Variants in SCRG1 observed in about 807,000 individuals in gnomAD.
SCRG1 encodes the protein stimulator of chondrogenesis 1.
A neutral mutation model predicts 7.7 loss-of-function variants in SCRG1; 3 were observed. The ratio of observed to expected loss-of-function variants is 0.39; its 90% CI spans 0.18 to 1.01. SCRG1 has a LOEUF of 1.01. Ranked by LOEUF, SCRG1 falls within the 50% of genes least tolerant of loss-of-function variation. The pLI, the probability that SCRG1 is intolerant of heterozygous loss-of-function variation, is 0.36. For synonymous variants in SCRG1, 46 were observed against 41.2 expected, an observed-to-expected ratio of 1.12 and a Z score of -0.44; for missense variants, 110 against 117.2, an observed-to-expected ratio of 0.94 and a Z score of 0.28.
At chr4:173,484,347 T>TAATATAC in the SCRG1 span, among the ~76,000 whole-genome samples, 2 of 69,128 alleles carry the variant, frequency 2.9e-5, no homozygotes, top group Admixed American at 2.4e-4. Context: ...ACATATTATA[T>TAATATAC]AATATATAAT....
At chr4:173,424,766 G>C in the SCRG1 span, among the ~76,000 whole-genome samples, 2 of 152,060 alleles carry the variant, frequency 1.3e-5, no homozygotes, top group African/African-American at 4.8e-5. Flanking sequence ...AGAATTAGCT[G>C]GGCATAGTGG....
the SCRG1 span, among the ~76,000 whole-genome samples, chr4:173,486,693 T>G: frequency 1.3e-5 from 2 of 152,172 alleles, no homozygotes; most frequent in African/African-American, 4.8e-5. Flanking sequence ...TTTACAATAG[T>G]AGCATCAGAA....
chr4:173,466,097 G>C, the SCRG1 span, among the ~76,000 whole-genome samples: 1 of 151,988 alleles, frequency 6.6e-6, no homozygotes, highest in Non-Finnish European at 1.5e-5. Context: ...CTGAAGTTGG[G>C]GATACAGGTT....
chr4:173,444,567 G>A, the SCRG1 span, among the ~76,000 whole-genome samples: 1 of 152,204 alleles, frequency 6.6e-6, no homozygotes, highest in African/African-American at 2.4e-5. Flanking sequence ...GCCTTTGGTT[G>A]TAGTTTTCTG....
chr4:173,413,265 T>C, the SCRG1 span, among the ~76,000 whole-genome samples: 1 of 152,354 alleles, frequency 6.6e-6, no homozygotes, highest in Admixed American at 6.5e-5. Flanking sequence ...GAGAAGCAGA[T>C]GGCCCACCTA....
the SCRG1 span, among the ~76,000 whole-genome samples, chr4:173,455,835 C>A: frequency 6.6e-6 from 1 of 152,062 alleles, no homozygotes; most frequent in African/African-American, 2.4e-5. Flanking sequence ...TAAGGTGACC[C>A]AAGCCACGTC....
the SCRG1 span, among the ~76,000 whole-genome samples, chr4:173,513,704 G>T: frequency 1.3e-5 from 2 of 152,176 alleles, no homozygotes; most frequent in African/African-American, 4.8e-5. Flanking sequence ...GCTCTTCAAA[G>T]CTTCCAAGAC....
the SCRG1 span, among the ~76,000 whole-genome samples, chr4:173,485,283 C>CAAG: frequency 8.9e-3 from 449 of 50,478 alleles, 1 homozygote; most frequent in African/African-American, 0.013. Flanking sequence ...GCCTTGGTCT[C>CAAG]AAGAAGCCTT....
intron 1 of SCRG1, among the ~76,000 whole-genome samples, chr4:173,405,952 G>A (rs1302331144): frequency 6.6e-6 from 1 of 152,194 alleles, no homozygotes; most frequent in Admixed American, 6.5e-5. Context: ...GTACTGGTGT[G>A]TCATAGCTTC....
the SCRG1 span, among the ~76,000 whole-genome samples, chr4:173,464,577 C>T: frequency 6.6e-6 from 1 of 152,098 alleles, no homozygotes; most frequent in Non-Finnish European, 1.5e-5. Context: ...ACAACAACAA[C>T]TACCAAAAAA....
chr4:173,496,758 C>T, the SCRG1 span, among the ~76,000 whole-genome samples: 1 of 151,998 alleles, frequency 6.6e-6, no homozygotes, highest in African/African-American at 2.4e-5. Context: ...TAAGTATTGC[C>T]CAGGGAGAAG....
At chr4:173,515,476 G>T in the SCRG1 span, among the ~76,000 whole-genome samples, 3 of 151,896 alleles carry the variant, frequency 2.0e-5, no homozygotes, top group African/African-American at 7.3e-5. The surrounding 1 kb of genome is among the most constrained non-coding windows in gnomAD (Gnocchi z 4.6). Context: ...TATCCAAATG[G>T]GTTCTTCATA....
At chr4:173,421,141 G>A in the SCRG1 span, among the ~76,000 whole-genome samples, 1 of 151,850 alleles carries the variant, frequency 6.6e-6, no homozygotes, top group African/African-American at 2.4e-5. Flanking sequence ...TGGATCAGAA[G>A]TGAATACTTT....
the SCRG1 span, among the ~76,000 whole-genome samples, chr4:173,467,138 T>C: frequency 2.6e-5 from 4 of 152,154 alleles, no homozygotes; most frequent in African/African-American, 7.2e-5. Context: ...GTACAACCAA[T>C]TGAAGCAATA....
chr4:173,455,343 G>A, the SCRG1 span, among the ~76,000 whole-genome samples: 1 of 152,182 alleles, frequency 6.6e-6, no homozygotes, highest in African/African-American at 2.4e-5. Flanking sequence ...TACCTGTAGT[G>A]TGCTTTCCAG....
At chr4:173,499,459 C>T in the SCRG1 span, among the ~76,000 whole-genome samples, 1 of 152,168 alleles carries the variant, frequency 6.6e-6, no homozygotes, top group African/African-American at 2.4e-5. The surrounding 1 kb of genome is among the most constrained non-coding windows in gnomAD (Gnocchi z 4.1). Flanking sequence ...ATAGTAATAG[C>T]AGTTGATAAG....
At chr4:173,464,358 A>T in the SCRG1 span, among the ~76,000 whole-genome samples, 2 of 152,174 alleles carry the variant, frequency 1.3e-5, no homozygotes, top group Non-Finnish European at 2.9e-5. Flanking sequence ...GTGTTTATTC[A>T]GGGTTTTCAG....
At chr4:173,400,780 C>T (rs114214632), upstream of SCRG1, among the ~76,000 whole-genome samples, 86 of 152,294 alleles carry the variant, frequency 5.6e-4, no homozygotes, top group Non-Finnish European at 8.7e-4. Context: ...CCAAATCACA[C>T]ACACAGCCAG....
chr4:173,389,092 A>T (rs1739334363), intron 2 of SCRG1, among the ~76,000 whole-genome samples: 1 of 152,222 alleles, frequency 6.6e-6, no homozygotes, highest in Admixed American at 6.5e-5. Context: ...TGGCATTTTA[A>T]TATTAGTTGG....
Sources: allele counts gnomAD v4.1 joint callset (sites outside exome capture counted in the v4.1 genomes callset), GRCh38; gene constraint gnomAD v4.1.1; non-coding constraint Gnocchi (gnomAD v3.1); transcripts MANE v1.5; gene names NCBI Gene and HGNC (gene_info 2026-07-23, HGNC 2026-07-21).